Variants in ALK observed in about 807,000 individuals in gnomAD.
ALK encodes the protein ALK tyrosine kinase receptor.
Under a neutral mutation model 163.1 loss-of-function variants are expected in ALK, and 74 were observed. The observed-to-expected ratio is 0.45, with a 90% CI of 0.38 to 0.55. The LOEUF is 0.55. Among genes scored for constraint, ALK ranks in the 20% least tolerant of loss-of-function variants. The pLI is 0.00. For synonymous variants in ALK, 960 were observed against 843.2 expected (o/e 1.14, Z -2.40); for missense variants, 2,063 against 2,105.3 (o/e 0.98, Z 0.39).
At chr2:29,456,885 T>C (rs1230215349) in intron 4 of ALK, among the ~76,000 whole-genome samples, 1 of 152,148 alleles carries the variant, frequency 6.6e-6, no homozygotes, top group East Asian at 1.9e-4. Context: ...ATACAATTTA[T>C]ACAGAGTGTG....
At chr2:29,474,779 G>C (rs1445783756) in intron 4 of ALK, among the ~76,000 whole-genome samples, 1 of 151,930 alleles carries the variant, frequency 6.6e-6, no homozygotes, top group Non-Finnish European at 1.5e-5. Flanking sequence ...GGGAGGTTTA[G>C]TTCAGGCTGA....
chr2:29,694,876 G>A lies in ALK; in HGVS notation c.926C>T (p.Ala309Val), dbSNP rs748017801. ...SQMDLLDGPGAERSKEMPRGS... is the reference protein window; with the variant it reads ...SQMDLLDGPGVERSKEMPRGS... The stretch of plus-strand genomic sequence containing the variant: ...TCTGGGCATCTCCTTAGAACGCTCT[G>A]CCCCAGGCCCATCCAGCAAGTCCAT... The change falls in exon 3 of 29, where the codon GCA becomes GTA. Residue 309 changes from alanine to valine, a missense_variant. By Grantham distance (64) the Ala-to-Val change is moderately conservative. Around this residue, in one of 5 missense-constraint regions of ALK, gnomAD observed 987 missense variants for 939.5 expected, o/e 1.05. Coordinates refer to ENST00000389048, the MANE Select transcript of ALK (RefSeq NM_004304.5). The A allele has an allele frequency of 5.0e-6, 8 of 1,613,942 alleles. No individual in the cohort carries two copies. Among genetic ancestry groups the A allele is most frequent in the Non-Finnish European group, 6.8e-6 (8 of 1,179,952 alleles).
At chr2:29,880,729 C>T (rs1285314419) in intron 1 of ALK, among the ~76,000 whole-genome samples, 2 of 152,270 alleles carry the variant, frequency 1.3e-5, no homozygotes, top group African/African-American at 4.8e-5. Flanking sequence ...AGTACCCATG[C>T]CATAAAAGTG....
chr2:29,619,826 C>T (rs529085713), intron 3 of ALK, among the ~76,000 whole-genome samples: 6 of 152,342 alleles, frequency 3.9e-5, no homozygotes, highest in Admixed American at 3.9e-4. Context: ...CCTGCTGCTG[C>T]CTTCTGACAA....
At chr2:29,222,997 C>T (rs1043783305) in intron 20 of ALK, among the ~76,000 whole-genome samples, 1 of 152,050 alleles carries the variant, frequency 6.6e-6, no homozygotes, top group African/African-American at 2.4e-5. Flanking sequence ...CAGTGAGTGA[C>T]AGAGGAAGGC....
intron 22 of ALK, 22 bp from the exon 23 acceptor site, chr2:29,220,857 A>G (rs761330054): frequency 6.2e-7 from 1 of 1,613,692 alleles, no homozygotes; most frequent in Non-Finnish European, 8.5e-7. Flanking sequence ...AGAGGGATGT[A>G]ACCAAAATTA....
At chr2:29,594,391 G>A (rs1192071262) in intron 3 of ALK, among the ~76,000 whole-genome samples, 2 of 150,888 alleles carry the variant, frequency 1.3e-5, no homozygotes, top group East Asian at 3.9e-4. Context: ...TTTACACTAT[G>A]AGTATAGACA....
rs766100418 is a variant in ALK at position 29,531,914 on chromosome 2, C to T, written c.1154+1G>A. 3.7e-6 allele frequency: 6 copies of T among 1,614,028 alleles called. No individual in the cohort carries two copies. The highest frequency in any genetic ancestry group is 3.3e-5 in the Admixed American group (2 of 60,022). Reference sequence around the variant, plus strand: ...AATTTTGGACATGGAGAAGTACTTACCCATGCTTCCCTGGAGTGGGCATCA... The same window carrying T: ...AATTTTGGACATGGAGAAGTACTTATCCATGCTTCCCTGGAGTGGGCATCA... On this transcript the variant is annotated splice_donor_variant, in intron 4 of 28. Coordinates refer to ENST00000389048, the MANE Select transcript of ALK (RefSeq NM_004304.5). LOFTEE classifies it high-confidence loss of function.
intron 5 of ALK, among the ~76,000 whole-genome samples, chr2:29,339,130 C>A (rs1667713998): frequency 1.3e-5 from 2 of 152,092 alleles, no homozygotes. Flanking sequence ...GTAGTCCCAG[C>A]TACTTGTGAG....
At chr2:29,858,387 C>G (rs139665651) in intron 1 of ALK, among the ~76,000 whole-genome samples, 2 of 152,018 alleles carry the variant, frequency 1.3e-5, no homozygotes, top group Non-Finnish European at 2.9e-5. Flanking sequence ...AAAAGTGGAA[C>G]CACCCCCCTC....
rs533596984 is a variant in ALK at position 29,824,668 on chromosome 2, T to C, written c.667+95325A>G. On this transcript the variant is annotated intron_variant, in intron 1 of 28. Transcript: ENST00000389048. ...AGCCCCTTTGTTTTGGTCAATTTCTTCCATTTGGAATGGTTGTATTTACCC... is the reference window on the plus strand; with the variant it reads ...AGCCCCTTTGTTTTGGTCAATTTCTCCCATTTGGAATGGTTGTATTTACCC... 6.4e-4 allele frequency among the ~76,000 whole-genome samples: 97 copies of C among 151,524 alleles called. 1 individual carries two copies. Among genetic ancestry groups the C allele is most frequent in the African/African-American group, 2.2e-3 (92 of 41,456 alleles).
intron 23 of ALK, among the ~76,000 whole-genome samples, chr2:29,218,549 TGAGAGAGG>T (rs1669700738): frequency 6.6e-6 from 1 of 152,110 alleles, no homozygotes; most frequent in South Asian, 2.1e-4. Flanking sequence ...CCTTTGTCTT[TGAGAGAGG>T]GAGAGAGAAA....
At chr2:29,501,042 T>C (rs57017092) in intron 4 of ALK, among the ~76,000 whole-genome samples, 421 of 152,250 alleles carry the variant, frequency 2.8e-3, no homozygotes, top group African/African-American at 9.1e-3. Flanking sequence ...TACCCTCTTC[T>C]TCCCCTTGCT....
intron 4 of ALK, among the ~76,000 whole-genome samples, chr2:29,525,391 G>A (rs1260147558): frequency 6.6e-6 from 1 of 152,172 alleles, no homozygotes; most frequent in South Asian, 2.1e-4. Flanking sequence ...TGAGATGTTA[G>A]AGCCATGATT....
intron 9 of ALK, among the ~76,000 whole-genome samples, chr2:29,293,526 T>C (rs1482742915): frequency 6.6e-6 from 1 of 152,156 alleles, no homozygotes; most frequent in Non-Finnish European, 1.5e-5. Context: ...TGTCTGGGGA[T>C]AATTTTTTTT....
chr2:29,848,259 T>C (rs1235643512), intron 1 of ALK, among the ~76,000 whole-genome samples: 1 of 146,792 alleles, frequency 6.8e-6, no homozygotes, highest in Non-Finnish European at 1.5e-5. Context: ...TTGAATTGCA[T>C]AGATTCAAAA....
At chr2:29,563,700 G>A (rs957534331) in intron 3 of ALK, among the ~76,000 whole-genome samples, 5 of 152,164 alleles carry the variant, frequency 3.3e-5, no homozygotes, top group Admixed American at 6.5e-5. Flanking sequence ...TATCTTTTAG[G>A]TTAACTGTTC....
At chr2:29,698,097 C>T (rs899780066) in intron 2 of ALK, among the ~76,000 whole-genome samples, 18 of 152,190 alleles carry the variant, frequency 1.2e-4, no homozygotes, top group African/African-American at 3.4e-4. Flanking sequence ...CTTGCCCTTT[C>T]ACGATTCAGA....
At chr2:29,315,824 G>A (rs1350444416) in intron 8 of ALK, among the ~76,000 whole-genome samples, 6 of 152,232 alleles carry the variant, frequency 3.9e-5, no homozygotes, top group East Asian at 3.9e-4. Flanking sequence ...TTAACTTCCC[G>A]GAGACCAGGA....
Sources: gnomAD v4.1 joint callset for allele counts (sites outside exome capture counted in the v4.1 genomes callset) on GRCh38, gnomAD v4.1.1 for gene constraint, gnomAD v4.1.1 regional missense constraint, MANE v1.5 for transcripts, NCBI Gene and HGNC (gene_info 2026-07-23, HGNC 2026-07-21) for gene names.